Variants in F13A1 observed in about 807,000 individuals in gnomAD.
F13A1 encodes coagulation factor XIII A chain, also known as FSF, A subunit.
In F13A1, 47 loss-of-function variants were observed where a neutral mutation model predicts 80.1. That is an observed-to-expected ratio of 0.59 (90% CI 0.46 to 0.75). The LOEUF (loss-of-function observed/expected upper bound fraction) is 0.75, where lower values mean the gene tolerates loss of function less well. Among genes scored for constraint, F13A1 ranks in the 30% least tolerant of loss-of-function variants. The pLI, the probability that F13A1 is intolerant of heterozygous loss-of-function variation, is 0.00. For synonymous variants in F13A1, 349 were observed against 344.9 expected (o/e 1.01, Z -0.13); for missense variants, 817 against 930.4 (o/e 0.88, Z 1.59).
chr6:6,206,497 A>G, intron 8 of F13A1: 2 of 472,650 alleles, frequency 4.2e-6, no homozygotes, highest in Non-Finnish European at 8.8e-6. Flanking sequence ...GACCTCTGAC[A>G]TTTTACCCCC....
At chr6:6,185,244 A>G (rs1366527789) in intron 10 of F13A1, among the ~76,000 whole-genome samples, 1 of 150,244 alleles carries the variant, frequency 6.7e-6, no homozygotes, top group Non-Finnish European at 1.5e-5. Context: ...CTCGTCATCT[A>G]GCATTAGGTA....
chr6:6,266,518 G>A (rs757920500), intron 4 of F13A1, 40 bp downstream of exon 4: 2 of 1,614,132 alleles, frequency 1.2e-6, no homozygotes, highest in Admixed American at 3.3e-5. Context: ...CGCCAAATAG[G>A]TGAATTTTTA....
At position 6,254,129 on chromosome 6, in the gene F13A1, G is replaced by A. The variant is rs541183968; in HGVS notation, c.572-3200C>T. 3.9e-5 allele frequency among the ~76,000 whole-genome samples: 6 copies of A among 152,020 alleles called. No individual in the cohort carries two copies. The South Asian group carries it at 1.0e-3, about 26-fold the overall frequency. On this transcript the variant is annotated intron_variant, in intron 4 of 14. Transcript: ENST00000264870. ...AATACCATAATTCTCCTACCATATC[G>A]GCAAATATTAAAACAAATGATTAAC...
intron 12 of F13A1, among the ~76,000 whole-genome samples, chr6:6,172,143 T>C (rs1362908147): frequency 6.6e-6 from 1 of 152,098 alleles, no homozygotes; most frequent in Non-Finnish European, 1.5e-5. Flanking sequence ...GTTAGGGGAA[T>C]GAATCAAGAA....
chr6:6,282,424 T>A (rs1415460535), intron 3 of F13A1, among the ~76,000 whole-genome samples: 1 of 152,176 alleles, frequency 6.6e-6, no homozygotes, highest in Non-Finnish European at 1.5e-5. Flanking sequence ...AAAGAGAAAA[T>A]CAGGATTCAT....
intron 4 of F13A1, among the ~76,000 whole-genome samples, chr6:6,260,077 C>T (rs918978853): frequency 6.6e-6 from 1 of 152,182 alleles, no homozygotes; most frequent in African/African-American, 2.4e-5. Flanking sequence ...TTTGTGGGTA[C>T]AGTTCTCTCT....
At position 6,170,298 on chromosome 6, in the gene F13A1, C is replaced by G. The variant is rs192147541; in HGVS notation, c.1748-2680G>C. Among the ~76,000 whole-genome samples the G allele has an allele frequency of 7.9e-4, 121 of 152,328 alleles. 1 individual carries two copies. The highest frequency in any genetic ancestry group is 2.8e-4 in the Non-Finnish European group (19 of 68,032). ...TATGATTTCTTTACAGAGGCTCTTG[C>G]TACCTTTATAATCTCAGTATCAGGA... On this transcript the variant is annotated intron_variant, in intron 12 of 14. Coordinates refer to ENST00000264870, the MANE Select transcript of F13A1 (RefSeq NM_000129.4).
chr6:6,183,710 G>C (rs116542526), intron 10 of F13A1, among the ~76,000 whole-genome samples: 3 of 152,186 alleles, frequency 2.0e-5, no homozygotes, highest in Non-Finnish European at 2.9e-5. Context: ...TGGCTAGAAA[G>C]TAACAGCCAA....
chr6:6,200,475 C>G (rs1467702180), intron 8 of F13A1, among the ~76,000 whole-genome samples: 2 of 150,388 alleles, frequency 1.3e-5, no homozygotes, highest in Non-Finnish European at 3.0e-5. Flanking sequence ...CACTTGAGCC[C>G]GGGAGATCAA....
intron 6 of F13A1, among the ~76,000 whole-genome samples, chr6:6,235,441 T>C (rs1757402244): frequency 6.6e-6 from 1 of 151,866 alleles, no homozygotes; most frequent in African/African-American, 2.4e-5. Context: ...AACTCAATAG[T>C]AAGAAAACAA....
chr6:6,238,369 T>C (rs1219603358), intron 6 of F13A1, among the ~76,000 whole-genome samples: 3 of 152,096 alleles, frequency 2.0e-5, no homozygotes, highest in African/African-American at 7.2e-5. Context: ...AGATGGATCA[T>C]AGACCACAAT....
chr6:6,184,194 G>A (rs191786256), intron 10 of F13A1, among the ~76,000 whole-genome samples: 97 of 152,328 alleles, frequency 6.4e-4, no homozygotes, highest in Admixed American at 9.8e-4. Context: ...TATTGTAACC[G>A]TATTATGGAT....
chr6:6,245,160 CAACA>C (rs1378078615), intron 6 of F13A1, among the ~76,000 whole-genome samples: 2 of 152,328 alleles, frequency 1.3e-5, no homozygotes, highest in Non-Finnish European at 2.9e-5. Context: ...CAACCTTCTA[CAACA>C]AACAATTACC....
Position 6,182,125 on chromosome 6 carries a change from A to G in F13A1, c.1322T>C (p.Ile441Thr). The G allele has an allele frequency of 6.2e-7, 1 of 1,614,120 alleles. No homozygotes were observed. The highest frequency in any genetic ancestry group is 2.2e-5 in the East Asian group (1 of 44,882). The stretch of plus-strand genomic sequence containing the variant: ...GCCATCTTTCTTAGCTGTAATGTAA[A>G]TGAGGTCGCTGTTGACCTGGAAACA... ...FVFAEVNSDL[I>T]YITAKKDGTH... The change falls in exon 11 of 15, where the codon ATT becomes ACT. Residue 441 changes from isoleucine to threonine, a missense_variant. Coordinates refer to ENST00000264870, the MANE Select transcript of F13A1 (RefSeq NM_000129.4).
intron 3 of F13A1, among the ~76,000 whole-genome samples, chr6:6,291,703 G>A (rs1758226522): frequency 1.3e-5 from 2 of 152,112 alleles, no homozygotes; most frequent in Non-Finnish European, 2.9e-5. Context: ...CTGCTCATTT[G>A]GTCTTTGTCT....
intron 8 of F13A1, among the ~76,000 whole-genome samples, chr6:6,217,533 TG>T (rs1359860953): frequency 8.4e-4 from 63 of 74,568 alleles, no homozygotes; most frequent in Middle Eastern, 0.025. Context: ...TGTTGTGGGG[TG>T]GGGGGAGGGG....
At chr6:6,205,114 C>T (rs977057147) in intron 8 of F13A1, among the ~76,000 whole-genome samples, 12 of 152,118 alleles carry the variant, frequency 7.9e-5, no homozygotes, top group East Asian at 1.9e-4. Flanking sequence ...ATCAACTGAC[C>T]GCCAAGAAAA....
chr6:6,227,979 A>G (rs1757300062), intron 6 of F13A1, among the ~76,000 whole-genome samples: 1 of 152,222 alleles, frequency 6.6e-6, no homozygotes, highest in Non-Finnish European at 1.5e-5. Context: ...TTTTAGTGAC[A>G]GATGTAAAGG....
intron 10 of F13A1, among the ~76,000 whole-genome samples, chr6:6,185,715 A>G (rs1761070443): frequency 6.6e-6 from 1 of 152,168 alleles, no homozygotes; most frequent in Non-Finnish European, 1.5e-5. Context: ...AGCATGATTT[A>G]TAGTCCTTTG....
Sources: allele counts gnomAD v4.1 joint callset (sites outside exome capture counted in the v4.1 genomes callset), GRCh38; gene constraint gnomAD v4.1.1; transcripts MANE v1.5; gene names NCBI Gene and HGNC (gene_info 2026-07-23, HGNC 2026-07-21).